TNFAIP3: variants seen among roughly 807,000 people sequenced by gnomAD.
The protein encoded by TNFAIP3 is TNF alpha induced protein 3, also known as tumor necrosis factor alpha-induced protein 3.
A neutral mutation model predicts 72.4 loss-of-function variants in TNFAIP3; 9 were observed. The observed-to-expected ratio is 0.12, with a 90% CI of 0.07 to 0.22. TNFAIP3 has a LOEUF of 0.22. Ranked by LOEUF, TNFAIP3 falls within the 10% of genes least tolerant of loss-of-function variation. TNFAIP3 has a pLI of 1.00. For synonymous variants in TNFAIP3, 339 were observed against 372.6 expected, an observed-to-expected ratio of 0.91 and a Z score of 1.04; for missense variants, 833 against 1,018.7, an observed-to-expected ratio of 0.82 and a Z score of 2.48.
At position 137,881,661 on chromosome 6, in the gene TNFAIP3, C is replaced by T. The variant is rs1255429827; in HGVS notation, c.*342C>T. 2.4e-5 allele frequency: 7 copies of T among 286,604 alleles called. No individual in the cohort carries two copies. Among genetic ancestry groups the T allele is most frequent in the Non-Finnish European group, 4.5e-5 (7 of 154,034 alleles). The allele number at this position is 286,604 out of a possible 1,614,324, so 17.8% of individuals were successfully genotyped here. Reference sequence around the variant, plus strand: ...GGCCCCTGCACCCTGCGCATCAGGACTGCTTCATCGTCTTGGCTGAGAAAG... The same window carrying T: ...GGCCCCTGCACCCTGCGCATCAGGATTGCTTCATCGTCTTGGCTGAGAAAG... On this transcript the variant is annotated 3_prime_UTR_variant, in exon 9 of 9. Coordinates refer to ENST00000612899, the MANE Select transcript of TNFAIP3 (RefSeq NM_001270508.2). This position sits in a 1 kb window ranked among gnomAD's most constrained non-coding sequence, Gnocchi z 5.0.
rs569252535 is a variant in TNFAIP3, at chr6:137,882,778, G to C, written c.*1459G>C. ...CCTGGTATTGGGACAGCAAAAGCCA[G>C]TAACCATGAGTATGAGGAAATCTCT... On this transcript the variant is annotated 3_prime_UTR_variant, in exon 9 of 9. Transcript: ENST00000612899. The C allele has an allele frequency of 8.7e-6, 2 of 231,156 alleles. No individual in the cohort carries two copies. The highest frequency in any genetic ancestry group is 1.2e-4 in the East Asian group (2 of 16,458). The allele number at this position is 231,156 out of a possible 1,614,324, so 14.3% of individuals were successfully genotyped here.
chr6:137,873,245 T>C (rs1776122743), intron 2 of TNFAIP3, among the ~76,000 whole-genome samples: 1 of 152,180 alleles, frequency 6.6e-6, no homozygotes, highest in African/African-American at 2.4e-5. Flanking sequence ...AAATTAATCC[T>C]TCCCCTGATA....
intron 5 of TNFAIP3, 66 bp from the exon 6 acceptor site, chr6:137,877,010 G>A: frequency 8.2e-7 from 1 of 1,221,858 alleles, no homozygotes; most frequent in Non-Finnish European, 1.1e-6. Context: ...TTCAAAATGA[G>A]ATCTACTTAC....
chr6:137,870,889 C>A (rs534525665), intron 1 of TNFAIP3, among the ~76,000 whole-genome samples: 137 of 152,330 alleles, frequency 9.0e-4, no homozygotes, highest in African/African-American at 3.2e-3. Flanking sequence ...TTTTGAGGAG[C>A]AGTACCTGTT....
intron 1 of TNFAIP3, among the ~76,000 whole-genome samples, chr6:137,869,055 C>T (rs1186340867): frequency 6.6e-6 from 1 of 152,230 alleles, no homozygotes; most frequent in African/African-American, 2.4e-5. Context: ...CTCTTTCCAT[C>T]TGATTGTGGC....
rs765245305 is a variant in TNFAIP3, at chr6:137,878,949, C to T, written c.1504C>T (p.Arg502Trp). 1.4e-5 allele frequency: 22 copies of T among 1,614,052 alleles called. No individual in the cohort carries two copies. The highest frequency in any genetic ancestry group is 7.7e-5 in the South Asian group (7 of 91,082). Residue 502 changes from arginine (R) to tryptophan (W), a missense_variant, in exon 7 of 9, where the codon CGG (arginine) becomes TGG (tryptophan). Arg to Trp is a moderately radical substitution (Grantham distance 101). Transcript: ENST00000612899. Reference protein sequence around the residue: ...NGFCERCHNARQLHASHAPDH... With the variant: ...NGFCERCHNAWQLHASHAPDH... ...ATTTTGTGAACGTTGCCACAACGCC[C>T]GGCAACTTCACGCCAGCCACGCCCC...
chr6:137,871,522 G>C lies in TNFAIP3; in HGVS notation c.295G>C (p.Gly99Arg). The change falls in exon 2 of 9, where the codon GGT (glycine) becomes CGT (arginine). Residue 99 changes from glycine to arginine, a missense_variant and splice_region_variant. Around this residue, in one of 2 missense-constraint regions of TNFAIP3, gnomAD observed 246 missense variants for 360.9 expected, o/e 0.68. Transcript: ENST00000612899. The surrounding 1 kb of genome is among the most constrained non-coding windows in gnomAD (Gnocchi z 4.2). ...VRKLVALKTN[G>R]DGNCLMHATS... ...GAAGCTTGTGGCGCTGAAAACGAACGGTAAGACTTGTTCTGTTGTGTTTCT... is the reference window on the plus strand; with the variant it reads ...GAAGCTTGTGGCGCTGAAAACGAACCGTAAGACTTGTTCTGTTGTGTTTCT... The C allele has an allele frequency of 6.2e-7, 1 of 1,613,716 alleles. No homozygotes were observed. The highest frequency in any genetic ancestry group is 8.5e-7 in the Non-Finnish European group (1 of 1,179,862).
At position 137,878,935 on chromosome 6, in the gene TNFAIP3, G is replaced by A. The variant is rs201074555; in HGVS notation, c.1490G>A (p.Arg497His). ...LNVQHNGFCE[R>H]CHNARQLHAS... The stretch of plus-strand genomic sequence containing the variant: ...GTGCAGCACAACGGATTTTGTGAAC[G>A]TTGCCACAACGCCCGGCAACTTCAC... The change falls in exon 7 of 9, where the codon CGT becomes CAT. Residue 497 changes from arginine (R) to histidine (H), a missense_variant. Around this residue, in one of 2 missense-constraint regions of TNFAIP3, gnomAD observed 587 missense variants for 657.8 expected, o/e 0.89. Transcript: ENST00000612899. 37 of 1,614,016 alleles carry A rather than the reference G, an allele frequency of 2.3e-5. No homozygotes were observed. The highest frequency in any genetic ancestry group is 5.3e-5 in the African/African-American group (4 of 74,914).
At position 137,878,969 on chromosome 6, in the gene TNFAIP3, C is replaced by T. The variant is rs368271377; in HGVS notation, c.1524C>T (p.His508=). 38 of 1,614,234 alleles carry T rather than the reference C, an allele frequency of 2.4e-5. No individual in the cohort carries two copies. The highest frequency in any genetic ancestry group is 6.6e-5 in the South Asian group (6 of 91,086). The change falls in exon 7 of 9, where the codon CAC becomes CAT. Residue 508 remains histidine (H), a synonymous_variant. Transcript: ENST00000612899. ...CHNARQLHAS[H]APDHTRHLDP... is the part of the protein sequence containing the mutation. ...ACGCCCGGCAACTTCACGCCAGCCA[C>T]GCCCCAGACCACACAAGGCACTTGG...
rs758605580 is a variant in TNFAIP3, at chr6:137,880,261, C to G, written c.2088+9C>G. The G allele has an allele frequency of 1.9e-6, 3 of 1,613,924 alleles. No homozygotes were observed. The highest frequency in any genetic ancestry group is 8.5e-7 in the Non-Finnish European group (1 of 1,180,004). On this transcript the variant is annotated intron_variant, in intron 8 of 8. Transcript: ENST00000612899. ...GGACAGAAGAGCAACTGGTGAGACACTTGGAGGAGCTTTCCCTCCCTCCCG... is the reference window on the plus strand; with the variant it reads ...GGACAGAAGAGCAACTGGTGAGACAGTTGGAGGAGCTTTCCCTCCCTCCCG...
chr6:137,877,663 A>G (rs1002919397), intron 6 of TNFAIP3, among the ~76,000 whole-genome samples: 2 of 152,256 alleles, frequency 1.3e-5, no homozygotes, highest in Admixed American at 1.3e-4. Context: ...AAGAACAGGC[A>G]CATCAGACAT....
Position 137,882,022 on chromosome 6 carries a change from TGGGAA to T in TNFAIP3, c.*705_*709del, listed in dbSNP as rs1330708469. ...CTTTTAAAAAATTAGAATATTTTAC[TGGGAA>T]GACGTGTAACTCTTTGGGTTATTAC... On this transcript the variant is annotated 3_prime_UTR_variant, in exon 9 of 9. Coordinates refer to ENST00000612899, the MANE Select transcript of TNFAIP3 (RefSeq NM_001270508.2). 1.3e-5 allele frequency: 3 copies of T among 231,322 alleles called. No individual in the cohort carries two copies. Among genetic ancestry groups the T allele is most frequent in the Non-Finnish European group, 2.6e-5 (3 of 116,774 alleles). 14.3% of individuals were successfully genotyped at this position (231,322 alleles called of 1,614,324 possible).
At chr6:137,874,490 A>C (rs979132263) in intron 2 of TNFAIP3, among the ~76,000 whole-genome samples, 1 of 152,188 alleles carries the variant, frequency 6.6e-6, no homozygotes, top group Non-Finnish European at 1.5e-5. Context: ...ATAGGGCTTT[A>C]GAGATCATCA....
rs970781981 is a variant in TNFAIP3, at chr6:137,871,408, C to T, written c.181C>T (p.Arg61Trp). 18 of 1,614,132 alleles carry T rather than the reference C, an allele frequency of 1.1e-5. No homozygotes were observed. Among genetic ancestry groups the T allele is most frequent in the Non-Finnish European group, 1.5e-5 (18 of 1,180,034 alleles). The change falls in exon 2 of 9, where the codon CGG becomes TGG. Residue 61 changes from arginine to tryptophan, a missense_variant. Arg to Trp is a moderately radical substitution (Grantham distance 101, BLOSUM62 -3). Around this residue, in one of 2 missense-constraint regions of TNFAIP3, gnomAD observed 246 missense variants for 360.9 expected, o/e 0.68. Transcript: ENST00000612899. This position sits in a 1 kb window ranked among gnomAD's most constrained non-coding sequence, Gnocchi z 4.2. ...FRTCQFCPQF[R>W]EIIHKALIDR... The stretch of plus-strand genomic sequence containing the variant: ...AACTTGCCAGTTTTGTCCTCAGTTT[C>T]GGGAGATCATCCACAAAGCCCTCAT...
At chr6:137,874,309 C>T (rs929870512) in intron 2 of TNFAIP3, among the ~76,000 whole-genome samples, 2 of 152,170 alleles carry the variant, frequency 1.3e-5, no homozygotes, top group Non-Finnish European at 2.9e-5. Context: ...GGCCCAAAGG[C>T]TAAAGTGGAA....
chr6:137,880,030 T>G (rs78352017), intron 7 of TNFAIP3, 41 bp from the exon 8 acceptor site: 2 of 1,587,900 alleles, frequency 1.3e-6, no homozygotes, highest in South Asian at 1.1e-5. Flanking sequence ...ATCGGTGGGG[T>G]GACCCCTATG....
In TNFAIP3 at chr6:137,882,816, C is replaced by T. The variant is rs1776506208; in HGVS notation, c.*1497C>T. On this transcript the variant is annotated 3_prime_UTR_variant, in exon 9 of 9. Coordinates refer to ENST00000612899, the MANE Select transcript of TNFAIP3 (RefSeq NM_001270508.2). ...TGAGGAAATCTCTTTCTGTTGCTGGCTTACAGTTTCTCTGTGTGCTTTGTG... is the reference window on the plus strand; with the variant it reads ...TGAGGAAATCTCTTTCTGTTGCTGGTTTACAGTTTCTCTGTGTGCTTTGTG... 1 of 229,648 alleles carries T rather than the reference C, an allele frequency of 4.4e-6. No homozygotes were observed. Among genetic ancestry groups the T allele is most frequent in the South Asian group, 1.8e-4 (1 of 5,494 alleles). The allele number at this position is 229,648 out of a possible 1,614,324, so 14.2% of individuals were successfully genotyped here. A position where few individuals can be genotyped will look rare whatever the true frequency, so the allele number is the denominator to read the frequency against.
At chr6:137,874,075 G>A (rs993585066) in intron 2 of TNFAIP3, among the ~76,000 whole-genome samples, 1 of 152,162 alleles carries the variant, frequency 6.6e-6, no homozygotes, top group Non-Finnish European at 1.5e-5. Context: ...CAGATTAATG[G>A]CATACAATTA....
Position 137,879,319 on chromosome 6 carries a change from C to G in TNFAIP3, c.1874C>G (p.Thr625Arg). 6.2e-7 allele frequency: 1 copy of G among 1,614,096 alleles called. No individual in the cohort carries two copies. The highest frequency in any genetic ancestry group is 8.5e-7 in the Non-Finnish European group (1 of 1,180,000). ...ACTCCAGAAAACAAGGGCTTTTGCA[C>G]ACTGTGTTTCATCGAGTACAGAGAA... is the stretch of plus-strand genomic sequence containing the variant. ...FGTPENKGFC[T>R]LCFIEYRENK... Residue 625 changes from threonine (T) to arginine (R), a missense_variant, in exon 7 of 9, where the codon ACA (threonine) becomes AGA (arginine). Around this residue, in one of 2 missense-constraint regions of TNFAIP3, gnomAD observed 587 missense variants for 657.8 expected, o/e 0.89. Coordinates refer to ENST00000612899, the MANE Select transcript of TNFAIP3 (RefSeq NM_001270508.2).
Sources: gnomAD v4.1 joint callset for allele counts (sites outside exome capture counted in the v4.1 genomes callset) on GRCh38, gnomAD v4.1.1 for gene constraint, gnomAD v4.1.1 regional missense constraint, Gnocchi (gnomAD v3.1) non-coding constraint, MANE v1.5 for transcripts, NCBI Gene and HGNC (gene_info 2026-07-23, HGNC 2026-07-21) for gene names.